The following ZGPAT variants were observed in gnomAD, a reference collection of about 807,000 sequenced individuals.
The protein encoded by ZGPAT is zinc finger CCCH-type and G-patch domain containing, also known as zinc finger CCCH-type with G patch domain-containing protein.
ZGPAT carries 39 observed loss-of-function variants against 47.9 expected under a neutral mutation model. The observed-to-expected ratio is 0.81, with a 90% confidence interval of 0.63 to 1.06. The LOEUF (loss-of-function observed/expected upper bound fraction) is 1.06, where lower values mean the gene tolerates loss of function less well. ZGPAT is among the 50% of genes least tolerant of loss of function. The pLI is 0.00. For synonymous variants in ZGPAT, 348 were observed against 292.9 expected (o/e 1.19, Z -1.92); for missense variants, 717 against 681.4 (o/e 1.05, Z -0.58).
rs778183397 is a variant in ZGPAT, at chr20:63,733,303, G to A, written c.669G>A (p.Ala223=). 17 of 1,613,352 alleles carry A rather than the reference G, an allele frequency of 1.1e-5. No individual in the cohort carries two copies. The highest frequency in any genetic ancestry group is 3.3e-5 in the South Asian group (3 of 91,074). The change falls in exon 3 of 7, where the codon GCG becomes GCA. Residue 223 remains alanine, a synonymous_variant. Transcript: ENST00000355969. ...TGAGCTCCCTGCAGGCCGGCTCTGC[G>A]TGTCTGGCCAAGCACCAGGATGGCC... ...PDLSSLQAGS[A]CLAKHQDGLW...
chr20:63,719,095 C>T (rs189995113), intron 2 of ZGPAT, among the ~76,000 whole-genome samples: 240 of 152,058 alleles, frequency 1.6e-3, no homozygotes, highest in Non-Finnish European at 2.0e-3. Context: ...ATCTCACTGC[C>T]TTCTGGTCCA....
Position 63,735,212 on chromosome 20 carries a change from C to A in ZGPAT, c.1045C>A (p.Pro349Thr). 1 of 1,563,186 alleles carries A rather than the reference C, an allele frequency of 6.4e-7. No homozygotes were observed. ...RVEPIHAVVL[P>T]RGKSLDQCVE... ...GGAGCCCATCCATGCTGTGGTGTTG[C>A]CTCGAGGGAAGTCGCTGGACCAGTG... The change falls in exon 6 of 7, where the codon CCT becomes ACT. Residue 349 changes from proline (P) to threonine (T), a missense_variant. Pro to Thr is a conservative substitution (Grantham distance 38, BLOSUM62 -1). Transcript: ENST00000355969.
Position 63,735,947 on chromosome 20 carries a change from G to T in ZGPAT, c.*28G>T. The T allele has an allele frequency of 6.3e-7, 1 of 1,595,356 alleles. No homozygotes were observed. Among genetic ancestry groups the T allele is most frequent in the Non-Finnish European group, 8.6e-7 (1 of 1,168,068 alleles). On this transcript the variant is annotated 3_prime_UTR_variant, in exon 7 of 7. Transcript: ENST00000355969. ...ACCCCACAAGCACTATGGACGAAGC[G>T]TGGGACCCCAGCACGGGCTGCCCTC...
intron 2 of ZGPAT, 64 bp downstream of exon 2, chr20:63,709,228 T>G: frequency 2.6e-6 from 4 of 1,567,676 alleles, no homozygotes; most frequent in Non-Finnish European, 3.5e-6. Context: ...CAGGGTCGGG[T>G]CAGGATCGGC....
At position 63,735,799 on chromosome 20, in the gene ZGPAT, C is replaced by T; in HGVS notation, c.1416C>T (p.Ala472=). The T allele has an allele frequency of 6.2e-7, 1 of 1,608,982 alleles. No homozygotes were observed. The highest frequency in any genetic ancestry group is 8.5e-7 in the Non-Finnish European group (1 of 1,178,282). Residue 472 remains alanine (A), a synonymous_variant, in exon 7 of 7, where the codon GCC becomes GCT. Transcript: ENST00000355969. ...RNAGRHSVAS[A]QLQEKLAGAQ... ...TCCGCAGGCATAGCGTGGCGTCAGCCCAGCTGCAGGAGAAGCTGGCAGGAG... is the reference window on the plus strand; with the variant it reads ...TCCGCAGGCATAGCGTGGCGTCAGCTCAGCTGCAGGAGAAGCTGGCAGGAG...
chr20:63,723,521 T>A (rs2091811824), intron 2 of ZGPAT, among the ~76,000 whole-genome samples: 2 of 123,122 alleles, frequency 1.6e-5, no homozygotes, highest in East Asian at 4.8e-4. Flanking sequence ...CCATCCTCCC[T>A]TCTCCTCTGA....
At position 63,732,346 on chromosome 20, in the gene ZGPAT, GT is replaced by G. The variant is rs1481074670; in HGVS notation, c.585-872del. The stretch of plus-strand genomic sequence containing the variant: ...ATGTGTGTGCACGTGTGTGGGTGAG[GT>G]GTGTGTGTGCATGTGTCAGGGTGTG... On this transcript the variant is annotated intron_variant, in intron 2 of 6. Coordinates refer to ENST00000355969, the MANE Select transcript of ZGPAT (RefSeq NM_181485.3). Among the ~76,000 whole-genome samples, 272 of 28,708 alleles carry G rather than the reference GT, an allele frequency of 9.5e-3. 2 individuals carry two copies. The highest frequency in any genetic ancestry group is 0.025 in the African/African-American group (183 of 7,356). 18.8% of individuals were successfully genotyped at this position (28,708 alleles called of 152,430 possible).
chr20:63,708,604 G>A lies in ZGPAT; in HGVS notation c.24G>A (p.Ser8=). MDEESLE[S]ALQTYRAQLQ... ...GCATGGACGAGGAGAGCCTGGAGTC[G>A]GCCTTGCAGACCTACCGTGCGCAGC... Residue 8 remains serine (S), a synonymous_variant, in exon 2 of 7, where the codon TCG becomes TCA. Coordinates refer to ENST00000355969, the MANE Select transcript of ZGPAT (RefSeq NM_181485.3). The A allele has an allele frequency of 6.2e-7, 1 of 1,604,220 alleles. No individual in the cohort carries two copies. Among genetic ancestry groups the A allele is most frequent in the African/African-American group, 1.3e-5 (1 of 74,818 alleles).
At chr20:63,732,771 TATGC>T (rs2091930257) in intron 2 of ZGPAT, among the ~76,000 whole-genome samples, 1 of 151,454 alleles carries the variant, frequency 6.6e-6, no homozygotes, top group African/African-American at 2.4e-5. Flanking sequence ...TACGTATGTA[TATGC>T]GTGTGTGTAT....
intron 2 of ZGPAT, among the ~76,000 whole-genome samples, chr20:63,715,034 G>C (rs954288809): frequency 1.3e-5 from 2 of 151,656 alleles, no homozygotes; most frequent in Non-Finnish European, 2.9e-5. Flanking sequence ...ATTGATTTTC[G>C]TATGTTGAAC....
intron 2 of ZGPAT, among the ~76,000 whole-genome samples, chr20:63,719,620 C>CT (rs2091766830): frequency 6.6e-6 from 1 of 151,900 alleles, no homozygotes; most frequent in Admixed American, 6.6e-5. Flanking sequence ...TATTTGGTTT[C>CT]TTTCTGTAGT....
chr20:63,729,226 C>T (rs977305359), intron 2 of ZGPAT, among the ~76,000 whole-genome samples: 1 of 152,056 alleles, frequency 6.6e-6, no homozygotes, highest in African/African-American at 2.4e-5. Context: ...GGTGGGGTTT[C>T]ACCACGTTGG....
Position 63,735,795 on chromosome 20 carries a change from C to G in ZGPAT, c.1412C>G (p.Ser471Ter). Residue 471 changes from serine (S) to a stop codon, truncating the protein, a stop_gained, in exon 7 of 7, where the codon TCA becomes TGA. Transcript: ENST00000355969. LOFTEE classifies it high-confidence loss of function. ...ARNAGRHSVASAQLQEKLAGA... is the reference protein window; with the variant it reads ...ARNAGRHSVA ...CCCCTCCGCAGGCATAGCGTGGCGT[C>G]AGCCCAGCTGCAGGAGAAGCTGGCA... 4 of 1,607,374 alleles carry G rather than the reference C, an allele frequency of 2.5e-6. No homozygotes were observed. Among genetic ancestry groups the G allele is most frequent in the Non-Finnish European group, 3.4e-6 (4 of 1,177,568 alleles).
Position 63,734,544 on chromosome 20 carries a change from C to T in ZGPAT, c.872-161C>T, listed in dbSNP as rs1336920600. 1.1e-5 allele frequency: 16 copies of T among 1,400,534 alleles called. No homozygotes were observed. In the East Asian group the frequency reaches 2.4e-4, roughly 21 times the overall value. 86.8% of individuals were successfully genotyped at this position (1,400,534 alleles called of 1,614,324 possible). On this transcript the variant is annotated intron_variant, in intron 4 of 6. Transcript: ENST00000355969. ...GCACGGAGCCCAAGAGGTGGGGTGT[C>T]GTGGCTCTGCCCAGGATCTGAGCTC...
intron 2 of ZGPAT, among the ~76,000 whole-genome samples, chr20:63,732,367 GGT>G (rs897961220): frequency 5.2e-4 from 14 of 27,064 alleles, no homozygotes; most frequent in Non-Finnish European, 8.0e-4. Context: ...CATGTGTCAG[GGT>G]GTGTGTGCGC....
At chr20:63,709,212 C>T (rs780124875) in intron 2 of ZGPAT, 48 bp downstream of exon 2, 8 of 1,591,622 alleles carry the variant, frequency 5.0e-6, no homozygotes, top group East Asian at 2.2e-5. Context: ...GTAAGGGGCA[C>T]GCACACAGGG....
At chr20:63,733,467 C>A in intron 3 of ZGPAT, 115 bp downstream of exon 3, 1 of 1,596,970 alleles carries the variant, frequency 6.3e-7, no homozygotes, top group South Asian at 1.1e-5. Flanking sequence ...TGGCTCTGGG[C>A]CCGAAATGAG....
intron 6 of ZGPAT, 85 bp from the exon 7 acceptor site, chr20:63,735,696 A>G: frequency 6.5e-7 from 1 of 1,536,140 alleles, no homozygotes; most frequent in Admixed American, 2.0e-5. Context: ...GAGGACGGGC[A>G]GCGGGCACAC....
At chr20:63,724,598 G>A (rs1054200930) in intron 2 of ZGPAT, among the ~76,000 whole-genome samples, 2 of 150,498 alleles carry the variant, frequency 1.3e-5, no homozygotes, top group South Asian at 4.2e-4. Flanking sequence ...TCTTTTTTTT[G>A]CCCCTTTTTC....
Sources: allele counts gnomAD v4.1 joint callset (sites outside exome capture counted in the v4.1 genomes callset), GRCh38; gene constraint gnomAD v4.1.1; transcripts MANE v1.5; gene names NCBI Gene and HGNC (gene_info 2026-07-23, HGNC 2026-07-21).